Variants in PFKFB3 observed in about 807,000 individuals in gnomAD.
PFKFB3 encodes the protein 6-phosphofructo-2-kinase/fructose-2,6-biphosphatase 3, also known as 6-phosphofructo-2-kinase/fructose-2,6-bisphosphatase 3.
Under a neutral mutation model 68.0 loss-of-function variants are expected in PFKFB3, and 33 were observed. The ratio of observed to expected loss-of-function variants is 0.49; its 90% confidence interval spans 0.37 to 0.65. PFKFB3 has a LOEUF of 0.65. PFKFB3 is among the 30% of genes least tolerant of loss of function. PFKFB3 has a pLI of 0.00. For missense variants in PFKFB3, 586 were observed against 712.2 expected (o/e 0.82, Z 2.02); for synonymous variants, 315 against 288.2 (o/e 1.09, Z -0.94).
rs1199936750 is a variant in PFKFB3 at position 6,229,301 on chromosome 10, C to A, written c.1515+2936C>A. The A allele has an allele frequency of 1.2e-5, 5 of 401,202 alleles. No homozygotes were observed. Among genetic ancestry groups the A allele is most frequent in the South Asian group, 3.6e-5 (2 of 55,560 alleles). 24.9% of individuals were successfully genotyped at this position (401,202 alleles called of 1,614,324 possible). On this transcript the variant is annotated intron_variant, in intron 14 of 14. Transcript: ENST00000379775. The surrounding 1 kb of genome is among the most constrained non-coding windows in gnomAD (Gnocchi z 4.3). ...GAGGTCGGCAGGGCAGTCAGTCCCC[C>A]GTTTAATGGTTGAGGGGCTGAGTGA...
chr10:6,202,739 C>T (rs1395680705), upstream of PFKFB3: 1 of 297,148 alleles, frequency 3.4e-6, no homozygotes, highest in Non-Finnish European at 5.1e-6. Context: ...AGGCCCGGGG[C>T]AGGGCGGCGG....
intron 1 of PFKFB3, among the ~76,000 whole-genome samples, chr10:6,207,375 G>A (rs1347057803): frequency 6.6e-6 from 1 of 152,226 alleles, no homozygotes; most frequent in East Asian, 1.9e-4. Context: ...GCAGTGAGCC[G>A]AGATGGCAGC....
At chr10:6,212,965 T>A (rs1462587060) in intron 1 of PFKFB3, among the ~76,000 whole-genome samples, 2 of 152,134 alleles carry the variant, frequency 1.3e-5, no homozygotes, top group African/African-American at 4.8e-5. Context: ...ATCCACCCTC[T>A]TGACTCTTAG....
chr10:6,226,048 C>G lies in PFKFB3; in HGVS notation c.1342-144C>G, dbSNP rs145242085. ...CACCGCACACTCAGCAGCCCATGGT[C>G]CCTGGCCCGTGGTCCCGGCCACTCC... On this transcript the variant is annotated intron_variant, in intron 13 of 14. Coordinates refer to ENST00000379775, the MANE Select transcript of PFKFB3 (RefSeq NM_004566.4). 146 of 679,102 alleles carry G rather than the reference C, an allele frequency of 2.1e-4. No individual in the cohort carries two copies. The African/African-American group carries it at 2.3e-3, about 11-fold the overall frequency. The allele number at this position is 679,102 out of a possible 1,614,324, so 42.1% of individuals were successfully genotyped here.
intron 1 of PFKFB3, among the ~76,000 whole-genome samples, chr10:6,188,436 A>G (rs189687519): frequency 6.6e-6 from 1 of 151,706 alleles, no homozygotes; most frequent in East Asian, 1.9e-4. Flanking sequence ...TATTTTTGAA[A>G]AGTGCAGGCA....
At chr10:6,306,112 C>T in the PFKFB3 span, among the ~76,000 whole-genome samples, 68 of 152,300 alleles carry the variant, frequency 4.5e-4, no homozygotes, top group African/African-American at 1.6e-3. Context: ...GTGCTCATGG[C>T]AGCCTCAAAC....
At chr10:6,297,343 C>T in the PFKFB3 span, among the ~76,000 whole-genome samples, 7 of 152,166 alleles carry the variant, frequency 4.6e-5, no homozygotes, top group African/African-American at 1.7e-4. Flanking sequence ...CTGGTTAGGA[C>T]ACAGGGATGA....
chr10:6,187,699 A>G (rs1842908678), intron 1 of PFKFB3, among the ~76,000 whole-genome samples: 1 of 152,222 alleles, frequency 6.6e-6, no homozygotes, highest in Admixed American at 6.5e-5. Context: ...CATGGGTTTA[A>G]AAAAGGTAAG....
At chr10:6,195,736 G>A (rs975515839) in intron 1 of PFKFB3, among the ~76,000 whole-genome samples, 1 of 152,214 alleles carries the variant, frequency 6.6e-6, no homozygotes, top group African/African-American at 2.4e-5. Flanking sequence ...GGGAGTTAGG[G>A]GCCATTGTGT....
chr10:6,226,412 C>A (rs372223611), intron 14 of PFKFB3, 47 bp downstream of exon 14: 6 of 1,544,476 alleles, frequency 3.9e-6, no homozygotes, highest in Admixed American at 3.9e-5. Flanking sequence ...GCATGCCGGG[C>A]GTGATGCCAC....
In PFKFB3 at chr10:6,219,686, T is replaced by C. The variant is rs1388270844; in HGVS notation, c.616T>C (p.Cys206Arg). ...CTACCAGCCCCTCGACCCCGACAAA[T>C]GCGACAGGTGATTCCCGTGGCTGGC... Reference protein sequence around the residue: ...ASYQPLDPDKCDRDLSLIKVI... With the variant: ...ASYQPLDPDKRDRDLSLIKVI... The change falls in exon 7 of 15, where the codon TGC becomes CGC. Residue 206 changes from cysteine (C) to arginine (R), a missense_variant. Coordinates refer to ENST00000379775, the MANE Select transcript of PFKFB3 (RefSeq NM_004566.4). 6.2e-7 allele frequency: 1 copy of C among 1,613,478 alleles called. No homozygotes were observed. Among genetic ancestry groups the C allele is most frequent in the Non-Finnish European group, 8.5e-7 (1 of 1,179,746 alleles).
At chr10:6,178,931 C>T (rs1842619240) in intron 1 of PFKFB3, among the ~76,000 whole-genome samples, 1 of 152,226 alleles carries the variant, frequency 6.6e-6, no homozygotes, top group Admixed American at 6.5e-5. Context: ...CACTACCAGC[C>T]ACCACCTCCC....
chr10:6,293,170 G>C, the PFKFB3 span: 1 of 466,032 alleles, frequency 2.1e-6, no homozygotes, highest in Non-Finnish European at 4.3e-6. Context: ...TCTGTTCAAA[G>C]ATAAAAGAAG....
the PFKFB3 span, among the ~76,000 whole-genome samples, chr10:6,308,731 G>A: frequency 6.6e-6 from 1 of 152,174 alleles, no homozygotes; most frequent in East Asian, 1.9e-4. Flanking sequence ...TTACACCCAT[G>A]ACAGCGAGCG....
chr10:6,160,012 G>GTC (rs1841927848), intron 1 of PFKFB3, among the ~76,000 whole-genome samples: 1 of 151,820 alleles, frequency 6.6e-6, no homozygotes, highest in African/African-American at 2.4e-5. Context: ...TCCCGCCTGA[G>GTC]CCTCTCAAAG....
chr10:6,185,461 C>T (rs1490815410), intron 1 of PFKFB3, among the ~76,000 whole-genome samples: 5 of 152,192 alleles, frequency 3.3e-5, no homozygotes, highest in Non-Finnish European at 7.3e-5. Context: ...AAACAGGCCA[C>T]TGCGGGGGCG....
At chr10:6,187,028 T>A (rs890535987) in intron 1 of PFKFB3, among the ~76,000 whole-genome samples, 1 of 151,686 alleles carries the variant, frequency 6.6e-6, no homozygotes, top group East Asian at 1.9e-4. Flanking sequence ...GGGAGACCAA[T>A]GTGGAAGTGC....
At chr10:6,216,933 C>T (rs1447907998) in intron 5 of PFKFB3, among the ~76,000 whole-genome samples, 153 bp downstream of exon 5, 2 of 152,102 alleles carry the variant, frequency 1.3e-5, no homozygotes, top group Non-Finnish European at 2.9e-5. Flanking sequence ...CGTTTTGTGG[C>T]CTTAAATTTG....
At chr10:6,169,518 C>T (rs182915745) in intron 1 of PFKFB3, among the ~76,000 whole-genome samples, 82 of 152,228 alleles carry the variant, frequency 5.4e-4, no homozygotes, top group Admixed American at 3.6e-3. Context: ...TGACTGTGAT[C>T]TTGGGCCATT....
Sources: allele counts gnomAD v4.1 joint callset (sites outside exome capture counted in the v4.1 genomes callset), GRCh38; gene constraint gnomAD v4.1.1; non-coding constraint Gnocchi (gnomAD v3.1); transcripts MANE v1.5; gene names NCBI Gene and HGNC (gene_info 2026-07-23, HGNC 2026-07-21).